The following LDLRAD3 variants were observed in gnomAD, a reference collection of about 807,000 sequenced individuals.
LDLRAD3 encodes the protein low-density lipoprotein receptor class A domain-containing protein 3.
LDLRAD3 carries 20 observed loss-of-function variants against 29.4 expected under a neutral mutation model. The ratio of observed to expected loss-of-function variants is 0.68; its 90% CI spans 0.48 to 0.99. The LOEUF is 0.99. LDLRAD3 is among the 50% of genes least tolerant of loss of function. LDLRAD3 has a pLI of 0.00. For missense variants in LDLRAD3, 420 were observed against 454.3 expected, an observed-to-expected ratio of 0.92 and a Z score of 0.69; for synonymous variants, 157 against 192.7, an observed-to-expected ratio of 0.81 and a Z score of 1.53.
intron 2 of LDLRAD3, among the ~76,000 whole-genome samples, chr11:36,057,928 C>T (rs1852645003): frequency 6.6e-6 from 1 of 152,212 alleles, no homozygotes; most frequent in South Asian, 2.1e-4. Flanking sequence ...GTGCAAGTCA[C>T]TGAGTTCTTT....
At chr11:35,963,137 G>A (rs1283217509) in intron 1 of LDLRAD3, among the ~76,000 whole-genome samples, 2 of 152,196 alleles carry the variant, frequency 1.3e-5, no homozygotes, top group Non-Finnish European at 2.9e-5. Context: ...CTGTCCACTT[G>A]CATTGCCTGA....
chr11:36,043,847 C>T (rs1268977204), intron 2 of LDLRAD3, among the ~76,000 whole-genome samples: 1 of 152,140 alleles, frequency 6.6e-6, no homozygotes, highest in African/African-American at 2.4e-5. Context: ...TCTGAAGGGT[C>T]TAGAGAATAT....
intron 1 of LDLRAD3, among the ~76,000 whole-genome samples, chr11:35,968,949 C>T (rs1156350859): frequency 3.9e-5 from 6 of 152,152 alleles, no homozygotes; most frequent in East Asian, 1.9e-4. Context: ...GGGACTCTGT[C>T]GTCTACAGAT....
chr11:36,227,758 A>G, intron 5 of LDLRAD3, among the ~76,000 whole-genome samples: 1 of 152,184 alleles, frequency 6.6e-6, no homozygotes, highest in Non-Finnish European at 1.5e-5. Context: ...TCTGAGGAAC[A>G]TACAGTTAGG....
At chr11:35,998,052 C>T (rs1420690625) in intron 1 of LDLRAD3, among the ~76,000 whole-genome samples, 3 of 152,254 alleles carry the variant, frequency 2.0e-5, no homozygotes, top group Admixed American at 6.5e-5. Flanking sequence ...AGGGTCAGGG[C>T]GTTCACTGGA....
intron 4 of LDLRAD3, among the ~76,000 whole-genome samples, chr11:36,100,628 TG>T (rs1426171303): frequency 6.6e-6 from 1 of 152,082 alleles, no homozygotes; most frequent in Non-Finnish European, 1.5e-5. Context: ...TTAGTAGAGA[TG>T]GGTTTCACCA....
chr11:36,100,781 C>G (rs1356427860), intron 4 of LDLRAD3, among the ~76,000 whole-genome samples: 1 of 152,184 alleles, frequency 6.6e-6, no homozygotes, highest in Admixed American at 6.5e-5. Context: ...CTCACTTACT[C>G]ATGGTGCCCT....
At chr11:36,047,842 G>A (rs770240802) in intron 2 of LDLRAD3, among the ~76,000 whole-genome samples, 10 of 152,160 alleles carry the variant, frequency 6.6e-5, no homozygotes, top group Non-Finnish European at 1.5e-4. Flanking sequence ...TGGCACAGAG[G>A]AAGCACACAA....
At chr11:36,059,667 C>G (rs1852669161) in intron 2 of LDLRAD3, among the ~76,000 whole-genome samples, 1 of 152,222 alleles carries the variant, frequency 6.6e-6, no homozygotes, top group African/African-American at 2.4e-5. Flanking sequence ...CTCTCTGGAA[C>G]TGCTTCTGCC....
intron 4 of LDLRAD3, among the ~76,000 whole-genome samples, chr11:36,149,747 C>T (rs1321685917): frequency 2.0e-5 from 3 of 152,192 alleles, no homozygotes; most frequent in Non-Finnish European, 4.4e-5. Flanking sequence ...TATGAGGGCA[C>T]TGAACACAGT....
At chr11:36,100,693 T>G (rs1853433286) in intron 4 of LDLRAD3, among the ~76,000 whole-genome samples, 1 of 152,160 alleles carries the variant, frequency 6.6e-6, no homozygotes, top group Admixed American at 6.5e-5. Flanking sequence ...TGCCTCAGCC[T>G]CCCCAAGTGC....
intron 1 of LDLRAD3, among the ~76,000 whole-genome samples, chr11:36,031,354 G>C (rs1434687796): frequency 1.3e-5 from 2 of 152,134 alleles, no homozygotes; most frequent in Non-Finnish European, 2.9e-5. Flanking sequence ...AGACTGGGTA[G>C]TAATTTACTT....
chr11:36,056,993 G>A (rs920581182), intron 2 of LDLRAD3, among the ~76,000 whole-genome samples: 1 of 151,962 alleles, frequency 6.6e-6, no homozygotes, highest in Non-Finnish European at 1.5e-5. Context: ...CAACCCCCCA[G>A]GTGACTGTTG....
chr11:36,193,396 C>G (rs986772162), intron 4 of LDLRAD3, among the ~76,000 whole-genome samples: 3 of 152,202 alleles, frequency 2.0e-5, no homozygotes, highest in African/African-American at 7.2e-5. Flanking sequence ...GTAGCTCATC[C>G]TGCATACAGT....
At chr11:36,048,675 G>C (rs955479952) in intron 2 of LDLRAD3, among the ~76,000 whole-genome samples, 1 of 152,108 alleles carries the variant, frequency 6.6e-6, no homozygotes, top group Admixed American at 6.6e-5. Flanking sequence ...ATCTCTGCTG[G>C]TGCCATTCTA....
At chr11:36,076,453 C>T (rs1167452848) in intron 2 of LDLRAD3, among the ~76,000 whole-genome samples, 1 of 151,916 alleles carries the variant, frequency 6.6e-6, no homozygotes, top group Non-Finnish European at 1.5e-5. Flanking sequence ...GTGGCACAAT[C>T]TCAGCTCACT....
intron 4 of LDLRAD3, among the ~76,000 whole-genome samples, chr11:36,137,604 C>T (rs191449785): frequency 2.6e-4 from 40 of 152,324 alleles, no homozygotes; most frequent in Non-Finnish European, 5.1e-4. Context: ...ATGAGAACAG[C>T]TCGGCACAGC....
rs1188329076 is a variant in LDLRAD3, at chr11:36,165,944, TCCTCCCTCCCTC to T, written c.455-61117_455-61106del. Among the ~76,000 whole-genome samples the T allele has an allele frequency of 4.1e-4, 45 of 109,894 alleles. No homozygotes were observed. The South Asian group carries it at 6.1e-3, about 15-fold the overall frequency. The allele number at this position is 109,894 out of a possible 152,430, so 72.1% of individuals were successfully genotyped here. A position where few individuals can be genotyped will look rare whatever the true frequency, so the allele number is the denominator to read the frequency against. ...TCTTTTCTAGGCTGACTGGCTTGCT[TCCTCCCTCCCTC>T]CCTCCCTCCCTCCCTCCCTCCCTTC... On this transcript the variant is annotated intron_variant, in intron 4 of 5. Transcript: ENST00000315571.
At chr11:36,090,813 C>T (rs764373850) in intron 3 of LDLRAD3, among the ~76,000 whole-genome samples, 1 of 152,150 alleles carries the variant, frequency 6.6e-6, no homozygotes, top group Non-Finnish European at 1.5e-5. Flanking sequence ...TGCGGCTGTA[C>T]ATAGGCTACG....
Sources: allele counts gnomAD v4.1 joint callset (sites outside exome capture counted in the v4.1 genomes callset), GRCh38; gene constraint gnomAD v4.1.1; transcripts MANE v1.5; gene names NCBI Gene and HGNC (gene_info 2026-07-23, HGNC 2026-07-21).